The following SNAP91 variants were observed in gnomAD, a reference collection of about 807,000 sequenced individuals.
SNAP91 encodes the protein clathrin coat assembly protein AP180.
In SNAP91, 27 loss-of-function variants were observed where a neutral mutation model predicts 100.3. The ratio of observed to expected loss-of-function variants is 0.27; its 90% CI spans 0.20 to 0.37. The LOEUF (loss-of-function observed/expected upper bound fraction) is 0.37, where lower values mean the gene tolerates loss of function less well. SNAP91 is among the 10% of genes least tolerant of loss of function. The pLI, the probability that SNAP91 is intolerant of heterozygous loss-of-function variation, is 1.00. For missense variants in SNAP91, 986 were observed against 1,123.7 expected (o/e 0.88, Z 1.75); for synonymous variants, 404 against 398.6 (o/e 1.01, Z -0.16).
intron 6 of SNAP91, among the ~76,000 whole-genome samples, chr6:83,658,482 G>A (rs1284004130): frequency 1.3e-5 from 2 of 152,054 alleles, no homozygotes; most frequent in African/African-American, 4.8e-5. Context: ...GGTGGCGGGC[G>A]CCTGCAGTCC....
intron 26 of SNAP91, among the ~76,000 whole-genome samples, chr6:83,572,674 C>G (rs1373776264): frequency 6.6e-6 from 1 of 152,146 alleles, no homozygotes; most frequent in African/African-American, 2.4e-5. Context: ...TGTTCTGAAA[C>G]TAACTTGTTA....
chr6:83,588,968 C>A (rs1325458488), intron 22 of SNAP91, among the ~76,000 whole-genome samples: 1 of 152,064 alleles, frequency 6.6e-6, no homozygotes, highest in Non-Finnish European at 1.5e-5. Context: ...ATGGGATACC[C>A]AGGAGAGAAA....
At chr6:83,663,146 C>T (rs1273450388) in intron 3 of SNAP91, among the ~76,000 whole-genome samples, 5 of 152,084 alleles carry the variant, frequency 3.3e-5, no homozygotes, top group African/African-American at 4.8e-5. Flanking sequence ...ACTGCACCAC[C>T]GCTGGTTGTT....
chr6:83,598,104 A>C (rs185837695), intron 16 of SNAP91, among the ~76,000 whole-genome samples: 8 of 152,310 alleles, frequency 5.3e-5, no homozygotes, highest in Admixed American at 6.5e-5. Flanking sequence ...AGTATTTAGA[A>C]AAACCCTGTG....
At chr6:83,564,869 C>T (rs945399103) in intron 26 of SNAP91, among the ~76,000 whole-genome samples, 16 of 151,556 alleles carry the variant, frequency 1.1e-4, no homozygotes, top group Admixed American at 4.6e-4. Context: ...AAATATGACA[C>T]CAAAAGCACA....
At chr6:83,630,909 T>C (rs2097180649) in intron 8 of SNAP91, among the ~76,000 whole-genome samples, 1 of 152,150 alleles carries the variant, frequency 6.6e-6, no homozygotes. Flanking sequence ...CTTGTTTCTC[T>C]TGATCCTTGA....
chr6:83,611,929 G>C (rs1325928987), intron 11 of SNAP91, among the ~76,000 whole-genome samples: 6 of 131,354 alleles, frequency 4.6e-5, no homozygotes, highest in Admixed American at 8.9e-5. Context: ...CACTGTCTTA[G>C]CCAGGATGGT....
At position 83,593,393 on chromosome 6, in the gene SNAP91, T is replaced by C. The variant is rs2094060736; in HGVS notation, c.1696+85A>G. ...AATGGTTTCTAGAGAACCATTTAAT[T>C]ACACAGTCTTCATGCAGTACATCTC... On this transcript the variant is annotated intron_variant, in intron 18 of 29. Coordinates refer to ENST00000369694, the MANE Select transcript of SNAP91 (RefSeq NM_001242792.2). 4.1e-5 allele frequency: 63 copies of C among 1,523,332 alleles called. 1 individual carries two copies. In the South Asian group the frequency reaches 7.7e-4, roughly 19 times the overall value. 94.4% of individuals were successfully genotyped at this position (1,523,332 alleles called of 1,614,324 possible). A position where few individuals can be genotyped will look rare whatever the true frequency, so the allele number is the denominator to read the frequency against.
At chr6:83,570,162 T>C (rs1250521439) in intron 26 of SNAP91, among the ~76,000 whole-genome samples, 2 of 151,938 alleles carry the variant, frequency 1.3e-5, no homozygotes, top group South Asian at 2.1e-4. Flanking sequence ...GGAGTGAAGG[T>C]GATTCTTGTT....
chr6:83,652,525 C>CT (rs1381671523), intron 7 of SNAP91, among the ~76,000 whole-genome samples: 1 of 152,066 alleles, frequency 6.6e-6, no homozygotes, highest in Non-Finnish European at 1.5e-5. Context: ...TGTATTACTG[C>CT]TGTCATTCAT....
At chr6:83,609,833 C>T (rs529421696) in intron 12 of SNAP91, among the ~76,000 whole-genome samples, 1 of 152,258 alleles carries the variant, frequency 6.6e-6, no homozygotes, top group East Asian at 1.9e-4. Flanking sequence ...TATCACATTA[C>T]CTACCTCATA....
intron 7 of SNAP91, among the ~76,000 whole-genome samples, chr6:83,653,495 T>C (rs1258229169): frequency 3.9e-5 from 6 of 152,226 alleles, no homozygotes; most frequent in Non-Finnish European, 7.3e-5. Flanking sequence ...ATCTCTCTGC[T>C]TACATTGCCT....
intron 26 of SNAP91, among the ~76,000 whole-genome samples, chr6:83,572,192 A>G (rs1194929269): frequency 6.6e-6 from 1 of 152,184 alleles, no homozygotes. Flanking sequence ...GTGGATTCTA[A>G]CTGAAAATTT....
intron 8 of SNAP91, among the ~76,000 whole-genome samples, chr6:83,631,794 T>A (rs544179009): frequency 1.2e-4 from 18 of 152,282 alleles, no homozygotes; most frequent in Middle Eastern, 6.8e-3. Flanking sequence ...CATTCTGCAA[T>A]TCTGTATCTT....
chr6:83,622,839 T>C (rs1204186997), intron 9 of SNAP91, among the ~76,000 whole-genome samples: 1 of 152,218 alleles, frequency 6.6e-6, no homozygotes, highest in Non-Finnish European at 1.5e-5. Flanking sequence ...CTCCATTTCA[T>C]AGGGGAGACA....
chr6:83,682,172 CTT>C lies in SNAP91; in HGVS notation c.131-16593_131-16592del, dbSNP rs59549595. 7.4e-3 allele frequency among the ~76,000 whole-genome samples: 910 copies of C among 123,450 alleles called. 5 individuals are homozygous for C. Among genetic ancestry groups the C allele is most frequent in the African/African-American group, 0.022 (726 of 33,640 alleles). The allele number at this position is 123,450 out of a possible 152,430, so 81.0% of individuals were successfully genotyped here. A position where few individuals can be genotyped will look rare whatever the true frequency, so the allele number is the denominator to read the frequency against. ...TCTACTCTGTCATTATTCTTTAATT[CTT>C]TTTTTTTTTTTTTTTTTCCTTGAGA... On this transcript the variant is annotated intron_variant, in intron 2 of 29. Transcript: ENST00000369694.
At chr6:83,556,489 C>CA (rs778505030) in intron 28 of SNAP91, among the ~76,000 whole-genome samples, 7 of 151,958 alleles carry the variant, frequency 4.6e-5, no homozygotes, top group Non-Finnish European at 7.4e-5. Flanking sequence ...TACATAGTCA[C>CA]AGAGTTGTGT....
intron 2 of SNAP91, among the ~76,000 whole-genome samples, chr6:83,700,066 A>T (rs1358640588): frequency 6.6e-6 from 1 of 152,230 alleles, no homozygotes; most frequent in Non-Finnish European, 1.5e-5. Flanking sequence ...TTTAGGGGTT[A>T]AAACTACAGT....
rs1265923857 is a variant in SNAP91, at chr6:83,588,245, C to A, written c.2014+2966G>T. Among the ~76,000 whole-genome samples the A allele has an allele frequency of 5.9e-5, 9 of 152,118 alleles. 1 individual carries two copies. The highest frequency in any genetic ancestry group is 2.2e-4 in the African/African-American group (9 of 41,422). On this transcript the variant is annotated intron_variant, in intron 22 of 29. Transcript: ENST00000369694. ...TTTTGAAAGCAAATGAGACATTAAA[C>A]TCATCTATACTGATTTACATTGAAT...
Sources: allele counts gnomAD v4.1 joint callset (sites outside exome capture counted in the v4.1 genomes callset), GRCh38; gene constraint gnomAD v4.1.1; transcripts MANE v1.5; gene names NCBI Gene and HGNC (gene_info 2026-07-23, HGNC 2026-07-21).